Variants in ATE1 observed in about 807,000 individuals in gnomAD.
ATE1 encodes arginyl-tRNA--protein transferase 1.
ATE1 carries 36 observed loss-of-function variants against 70.5 expected under a neutral mutation model. The ratio of observed to expected loss-of-function variants is 0.51; its 90% CI spans 0.39 to 0.67. The LOEUF (loss-of-function observed/expected upper bound fraction) is 0.67. ATE1 is among the 30% of genes least tolerant of loss of function. The probability of loss-of-function intolerance (pLI) is 0.00; values close to 1 mark genes in which losing one functional copy is unlikely to be tolerated. For missense variants in ATE1, 593 were observed against 629.5 expected (o/e 0.94, Z 0.62); for synonymous variants, 232 against 219.3 (o/e 1.06, Z -0.51).
At chr10:121,762,404 G>C (rs905525498) in intron 11 of ATE1, among the ~76,000 whole-genome samples, 2 of 152,202 alleles carry the variant, frequency 1.3e-5, no homozygotes, top group South Asian at 4.1e-4. Context: ...ATCCTCAGGA[G>C]ACTTGATAAT....
intron 6 of ATE1, among the ~76,000 whole-genome samples, chr10:121,901,369 A>T (rs548090233): frequency 6.6e-6 from 1 of 152,222 alleles, no homozygotes; most frequent in African/African-American, 2.4e-5. Context: ...GTGATAAGTG[A>T]TATTTTTAGA....
intron 11 of ATE1, among the ~76,000 whole-genome samples, chr10:121,746,478 G>A (rs1944376753): frequency 6.6e-6 from 1 of 152,018 alleles, no homozygotes; most frequent in Admixed American, 6.5e-5. Context: ...GTTAATTTAA[G>A]CATTTTATTT....
intron 11 of ATE1, among the ~76,000 whole-genome samples, chr10:121,764,732 C>A (rs1304078977): frequency 1.3e-5 from 2 of 152,140 alleles, no homozygotes; most frequent in Non-Finnish European, 2.9e-5. Flanking sequence ...TTGCTGAAGG[C>A]GACTCTGCTT....
At chr10:121,862,716 A>T (rs1320790083) in intron 8 of ATE1, among the ~76,000 whole-genome samples, 2 of 151,810 alleles carry the variant, frequency 1.3e-5, no homozygotes, top group African/African-American at 2.4e-5. Flanking sequence ...TGAGGTAGGA[A>T]ACCTGTAGGA....
chr10:121,757,209 C>A (rs1371018580), intron 11 of ATE1, among the ~76,000 whole-genome samples: 2 of 152,192 alleles, frequency 1.3e-5, no homozygotes, highest in African/African-American at 4.8e-5. Context: ...ACCTTTGCTC[C>A]AGTTCCCAAC....
intron 7 of ATE1, among the ~76,000 whole-genome samples, chr10:121,872,743 G>A (rs551174223): frequency 4.0e-5 from 6 of 151,278 alleles, no homozygotes; most frequent in Non-Finnish European, 8.8e-5. Context: ...ATTTTGCTGT[G>A]AACCTAAAAC....
chr10:121,809,137 T>C (rs907986987), intron 10 of ATE1, among the ~76,000 whole-genome samples: 1 of 152,224 alleles, frequency 6.6e-6, no homozygotes, highest in African/African-American at 2.4e-5. Flanking sequence ...TCCATAGTGA[T>C]GAACACAAGT....
At chr10:121,771,224 C>A (rs1332788965) in intron 11 of ATE1, among the ~76,000 whole-genome samples, 1 of 152,158 alleles carries the variant, frequency 6.6e-6, no homozygotes, top group Non-Finnish European at 1.5e-5. Context: ...GCGCCTGCCA[C>A]CATGCCTGGC....
intron 11 of ATE1, among the ~76,000 whole-genome samples, chr10:121,755,909 G>A (rs555338506): frequency 2.0e-5 from 3 of 152,166 alleles, no homozygotes; most frequent in South Asian, 2.1e-4. Flanking sequence ...CCCAAATCTC[G>A]TATCTTCACA....
At chr10:121,770,810 T>C (rs1945485170) in intron 11 of ATE1, among the ~76,000 whole-genome samples, 1 of 152,046 alleles carries the variant, frequency 6.6e-6, no homozygotes, top group Admixed American at 6.5e-5. Context: ...ACATTCATTC[T>C]TTAAAAGAAT....
chr10:121,774,447 G>T (rs1945650407), intron 11 of ATE1, among the ~76,000 whole-genome samples: 1 of 151,992 alleles, frequency 6.6e-6, no homozygotes, highest in African/African-American at 2.4e-5. Context: ...TTAATTTGAG[G>T]GTTTGAGAAA....
chr10:121,819,495 G>A (rs1246623695), intron 10 of ATE1, among the ~76,000 whole-genome samples: 1 of 151,736 alleles, frequency 6.6e-6, no homozygotes, highest in African/African-American at 2.4e-5. Context: ...ATGAGGTCAG[G>A]AGATCGAGAC....
At chr10:121,846,139 A>C (rs11812564) in intron 8 of ATE1, among the ~76,000 whole-genome samples, 5,483 of 146,956 alleles carry the variant, frequency 0.037, 217 homozygotes, top group African/African-American at 0.095. Flanking sequence ...AAAAAAAAAA[A>C]ACCCAAAACC....
At chr10:121,801,535 T>C (rs1441211635) in intron 10 of ATE1, among the ~76,000 whole-genome samples, 1 of 122,694 alleles carries the variant, frequency 8.2e-6, no homozygotes, top group African/African-American at 3.0e-5. Flanking sequence ...GAATGAAAGA[T>C]GAAGACAAAG....
At chr10:121,829,956 A>G (rs1240941564) in intron 10 of ATE1, among the ~76,000 whole-genome samples, 1 of 152,178 alleles carries the variant, frequency 6.6e-6, no homozygotes, top group Non-Finnish European at 1.5e-5. Context: ...AGATTTTACA[A>G]TAGTGTGCAA....
Position 121,924,338 on chromosome 10 carries a change from A to G in ATE1, c.107-9T>C, listed in dbSNP as rs1951995923. The G allele has an allele frequency of 1.2e-6, 2 of 1,612,740 alleles. No homozygotes were observed. Among genetic ancestry groups the G allele is most frequent in the African/African-American group, 2.7e-5 (2 of 74,922 alleles). On this transcript the variant is annotated splice_polypyrimidine_tract_variant and intron_variant, in intron 1 of 11. Transcript: ENST00000224652. Reference sequence around the variant, plus strand: ...GGAATGTGCCCACATGCCTGAAAAAATAAGTAGTGTGTTAATTACGGCAGG... The same window carrying G: ...GGAATGTGCCCACATGCCTGAAAAAGTAAGTAGTGTGTTAATTACGGCAGG...
At chr10:121,789,242 C>T (rs1235944653) in intron 11 of ATE1, among the ~76,000 whole-genome samples, 1 of 149,818 alleles carries the variant, frequency 6.7e-6, no homozygotes, top group Non-Finnish European at 1.5e-5. Context: ...TACAGTTTAC[C>T]AGCTGATCAT....
chr10:121,912,361 AAGAG>A (rs952540903), intron 4 of ATE1, among the ~76,000 whole-genome samples: 2 of 151,872 alleles, frequency 1.3e-5, no homozygotes, highest in Non-Finnish European at 2.9e-5. Flanking sequence ...CTACAAAAGA[AAGAG>A]AGGCAGCCAG....
intron 10 of ATE1, among the ~76,000 whole-genome samples, chr10:121,790,941 CATATATATGTGTAT>C (rs1946406124): frequency 2.4e-5 from 1 of 41,314 alleles, no homozygotes; most frequent in African/African-American, 7.1e-5. Flanking sequence ...TTTATGTGTA[CATATATATGTGTAT>C]ATATATATGT....
Sources: allele counts gnomAD v4.1 joint callset (sites outside exome capture counted in the v4.1 genomes callset), GRCh38; gene constraint gnomAD v4.1.1; transcripts MANE v1.5; gene names NCBI Gene and HGNC (gene_info 2026-07-23, HGNC 2026-07-21).